Variants in CALCR observed in about 807,000 individuals in gnomAD.
The protein encoded by CALCR is calcitonin receptor.
A neutral mutation model predicts 59.5 loss-of-function variants in CALCR; 47 were observed. That is an observed-to-expected ratio of 0.79 (90% CI 0.63 to 1.01). The LOEUF (loss-of-function observed/expected upper bound fraction) is 1.01, where lower values mean the gene tolerates loss of function less well. CALCR is among the 50% of genes least tolerant of loss of function. The pLI is 0.00. For missense variants in CALCR, 566 were observed against 597.1 expected, an observed-to-expected ratio of 0.95 and a Z score of 0.54; for synonymous variants, 213 against 211.3, an observed-to-expected ratio of 1.01 and a Z score of -0.07.
chr7:93,492,340 T>C (rs895757993), intron 2 of CALCR, among the ~76,000 whole-genome samples: 25 of 151,314 alleles, frequency 1.7e-4, no homozygotes, highest in African/African-American at 5.1e-4. Flanking sequence ...TGCACTCACA[T>C]ATTTTAAAAA....
intron 2 of CALCR, among the ~76,000 whole-genome samples, chr7:93,501,086 A>G (rs961228619): frequency 1.3e-5 from 2 of 152,038 alleles, no homozygotes; most frequent in Non-Finnish European, 2.9e-5. Flanking sequence ...GATTAATGAT[A>G]TAAGGGATGG....
At chr7:93,482,687 A>G in intron 3 of CALCR, 1 of 471,730 alleles carries the variant, frequency 2.1e-6, no homozygotes, top group Non-Finnish European at 4.3e-6. Flanking sequence ...GCTTTAATGC[A>G]GTTTTAACAT....
intron 2 of CALCR, among the ~76,000 whole-genome samples, chr7:93,565,039 G>C (rs759586998): frequency 1.3e-5 from 2 of 152,156 alleles, no homozygotes; most frequent in Non-Finnish European, 2.9e-5. Context: ...ATGTAATGCA[G>C]AGCCACTCTT....
chr7:93,529,819 T>C (rs1788783946), intron 2 of CALCR, among the ~76,000 whole-genome samples: 1 of 152,132 alleles, frequency 6.6e-6, no homozygotes, highest in African/African-American at 2.4e-5. Context: ...ATACTTAGAA[T>C]AGTCACTGGA....
intron 2 of CALCR, among the ~76,000 whole-genome samples, chr7:93,513,579 G>C (rs1281034720): frequency 6.6e-6 from 1 of 151,916 alleles, no homozygotes; most frequent in Non-Finnish European, 1.5e-5. Context: ...TTTGCAGATG[G>C]CATCGTGGAA....
intron 8 of CALCR, among the ~76,000 whole-genome samples, chr7:93,444,566 G>T (rs1215435454): frequency 1.3e-5 from 2 of 151,932 alleles, no homozygotes; most frequent in African/African-American, 2.4e-5. Flanking sequence ...GAGTTTAGCA[G>T]TATAACTAAT....
At chr7:93,479,076 C>G (rs1208902540) in intron 4 of CALCR, among the ~76,000 whole-genome samples, 1 of 151,858 alleles carries the variant, frequency 6.6e-6, no homozygotes, top group Non-Finnish European at 1.5e-5. Context: ...CCCTCCCTCA[C>G]TCGGTCCTTT....
chr7:93,559,070 A>AC (rs1340872688), intron 2 of CALCR, among the ~76,000 whole-genome samples: 5 of 152,134 alleles, frequency 3.3e-5, no homozygotes, highest in African/African-American at 1.2e-4. Flanking sequence ...AACAACAACA[A>AC]AAAAAATTCT....
intron 2 of CALCR, among the ~76,000 whole-genome samples, chr7:93,558,364 G>A (rs947525560): frequency 6.6e-6 from 1 of 151,846 alleles, no homozygotes; most frequent in Non-Finnish European, 1.5e-5. Context: ...GTTTGATAAT[G>A]TTTATTTATT....
At chr7:93,564,095 G>A (rs1216326946) in intron 2 of CALCR, among the ~76,000 whole-genome samples, 2 of 151,698 alleles carry the variant, frequency 1.3e-5, no homozygotes. Context: ...TTTTTTTTTA[G>A]AAAGTAGAAA....
At chr7:93,486,093 T>C (rs1362572060) in intron 3 of CALCR, among the ~76,000 whole-genome samples, 1 of 151,640 alleles carries the variant, frequency 6.6e-6, no homozygotes, top group Non-Finnish European at 1.5e-5. Flanking sequence ...TGTGGGTCAG[T>C]ATGACAGTAT....
chr7:93,443,892 G>A (rs41278800), intron 8 of CALCR, 135 bp from the exon 9 acceptor site: 4 of 683,480 alleles, frequency 5.9e-6, no homozygotes, highest in South Asian at 1.8e-5. Flanking sequence ...CTGTAAACAT[G>A]TGCCACCTGC....
chr7:93,487,546 T>C (rs927823776), intron 2 of CALCR, among the ~76,000 whole-genome samples: 2 of 151,498 alleles, frequency 1.3e-5, no homozygotes, highest in Non-Finnish European at 3.0e-5. Flanking sequence ...ATTTCTTCCA[T>C]AGCAATGATT....
intron 2 of CALCR, among the ~76,000 whole-genome samples, chr7:93,570,038 T>C (rs377106123): frequency 6.6e-6 from 1 of 151,950 alleles, no homozygotes; most frequent in East Asian, 1.9e-4. Flanking sequence ...AAGTGAAGAA[T>C]GGACTCCAAA....
chr7:93,457,084 C>T (rs556871702), intron 8 of CALCR, among the ~76,000 whole-genome samples: 5 of 152,126 alleles, frequency 3.3e-5, no homozygotes, highest in Admixed American at 3.3e-4. Flanking sequence ...CATGTCTACC[C>T]CTAAAAAGCC....
intron 2 of CALCR, among the ~76,000 whole-genome samples, chr7:93,513,604 C>A (rs1801593850): frequency 6.6e-6 from 1 of 151,964 alleles, no homozygotes; most frequent in South Asian, 2.1e-4. Context: ...TAAGCTACAG[C>A]TGAATTTCTG....
chr7:93,434,187 G>A, intron 13 of CALCR, 66 bp downstream of exon 13: 1 of 1,067,818 alleles, frequency 9.4e-7, no homozygotes, highest in Non-Finnish European at 1.5e-6. Flanking sequence ...TTTGTACAGA[G>A]GCCCTTTGGA....
intron 2 of CALCR, among the ~76,000 whole-genome samples, chr7:93,557,429 G>A (rs543948174): frequency 4.0e-5 from 6 of 151,850 alleles, no homozygotes; most frequent in South Asian, 2.1e-4. Flanking sequence ...CATGGTGATT[G>A]TAAATTTTTA....
At chr7:93,434,076 C>G (rs1461661848) in intron 13 of CALCR, among the ~76,000 whole-genome samples, 177 bp downstream of exon 13, 1 of 152,210 alleles carries the variant, frequency 6.6e-6, no homozygotes, top group African/African-American at 2.4e-5. Context: ...CATTGTACTA[C>G]ACATCCATGG....
Sources: gnomAD v4.1 joint callset for allele counts (sites outside exome capture counted in the v4.1 genomes callset) on GRCh38, gnomAD v4.1.1 for gene constraint, MANE v1.5 for transcripts, NCBI Gene and HGNC (gene_info 2026-07-23, HGNC 2026-07-21) for gene names.